The following FHIT variants were observed in gnomAD, a reference collection of about 807,000 sequenced individuals.
FHIT encodes bis(5'-adenosyl)-triphosphatase.
Under a neutral mutation model 17.9 loss-of-function variants are expected in FHIT, and 19 were observed. The observed-to-expected ratio is 1.06, with a 90% CI of 0.74 to 1.56. The LOEUF (loss-of-function observed/expected upper bound fraction) is 1.56. FHIT is among the 40% of genes most tolerant of loss of function. The pLI, the probability that FHIT is intolerant of heterozygous loss-of-function variation, is 0.00. For synonymous variants in FHIT, 81 were observed against 69.7 expected, an observed-to-expected ratio of 1.16 and a Z score of -0.81; for missense variants, 248 against 189.2, an observed-to-expected ratio of 1.31 and a Z score of -1.82.
chr3:60,857,044 T>C (rs1703416231), intron 3 of FHIT, among the ~76,000 whole-genome samples: 1 of 152,144 alleles, frequency 6.6e-6, no homozygotes, highest in Non-Finnish European at 1.5e-5. Context: ...ATTGATTGAC[T>C]CTCTTCTCCT....
At chr3:60,217,861 G>A (rs1424677445) in intron 5 of FHIT, among the ~76,000 whole-genome samples, 1 of 152,112 alleles carries the variant, frequency 6.6e-6, no homozygotes, top group Non-Finnish European at 1.5e-5. Context: ...ACTGCAATAT[G>A]TTATGTATCC....
intron 4 of FHIT, among the ~76,000 whole-genome samples, chr3:60,758,607 TG>T (rs1559699446): frequency 6.6e-6 from 1 of 152,194 alleles, no homozygotes; most frequent in Non-Finnish European, 1.5e-5. Flanking sequence ...TAAGCATTAG[TG>T]GTCATCAGTA....
At chr3:60,554,390 T>C (rs1222364197) in intron 4 of FHIT, among the ~76,000 whole-genome samples, 2 of 152,212 alleles carry the variant, frequency 1.3e-5, no homozygotes, top group Non-Finnish European at 2.9e-5. Flanking sequence ...GTTATGTATC[T>C]TTCTGGAGTA....
In FHIT at chr3:60,255,770, T is replaced by C. The variant is rs536462987; in HGVS notation, c.104-241618A>G. 9.9e-5 allele frequency among the ~76,000 whole-genome samples: 15 copies of C among 152,196 alleles called. No individual in the cohort carries two copies. The South Asian group carries it at 2.9e-3, about 29-fold the overall frequency. ...TTAGATGGATATCTATAACTGGTGT[T>C]CATGGACCTGGGAGGTGGAGGTTGC... On this transcript the variant is annotated intron_variant, in intron 5 of 9. Transcript: ENST00000492590.
At chr3:59,858,203 A>G (rs1160787746) in intron 8 of FHIT, among the ~76,000 whole-genome samples, 1 of 151,336 alleles carries the variant, frequency 6.6e-6, no homozygotes, top group African/African-American at 2.4e-5. Flanking sequence ...GCAAAAAGAC[A>G]TAAATGGTGA....
At chr3:61,230,528 A>G (rs762609202) in intron 1 of FHIT, among the ~76,000 whole-genome samples, 6 of 152,110 alleles carry the variant, frequency 3.9e-5, no homozygotes, top group Non-Finnish European at 8.8e-5. Context: ...TTAATAAATT[A>G]CTGAGTCTCC....
At chr3:60,717,390 A>T (rs1344991684) in intron 4 of FHIT, among the ~76,000 whole-genome samples, 1 of 152,188 alleles carries the variant, frequency 6.6e-6, no homozygotes, top group Non-Finnish European at 1.5e-5. Context: ...TTAGCAATGT[A>T]TACATATATC....
chr3:59,908,128 T>C (rs1209400822), intron 8 of FHIT, among the ~76,000 whole-genome samples: 3 of 152,242 alleles, frequency 2.0e-5, no homozygotes, highest in Non-Finnish European at 2.9e-5. Context: ...GAAAGATTGG[T>C]ACATAGGCAC....
At chr3:61,016,190 T>A (rs9840822) in intron 3 of FHIT, among the ~76,000 whole-genome samples, 40,924 of 152,094 alleles carry the variant, frequency 0.27, 6,424 homozygotes, top group African/African-American at 0.43. Flanking sequence ...ATTAACCATA[T>A]TTTACGTAAT....
chr3:60,598,636 G>A (rs766081878), intron 4 of FHIT, among the ~76,000 whole-genome samples: 6 of 152,128 alleles, frequency 3.9e-5, no homozygotes, highest in Admixed American at 2.0e-4. Flanking sequence ...AAACATCCTC[G>A]CATATTATCA....
At chr3:61,243,900 A>T (rs1356561470) in intron 1 of FHIT, 1 of 152,220 alleles carries the variant, frequency 6.6e-6, no homozygotes, top group Non-Finnish European at 1.5e-5. Flanking sequence ...TAGTTCATCA[A>T]ATTCCATGAC....
In FHIT at chr3:60,746,192, C is replaced by T. The variant is rs147637394; in HGVS notation, c.-18+75727G>A. Among the ~76,000 whole-genome samples the T allele has an allele frequency of 1.5e-4, 23 of 152,302 alleles. No homozygotes were observed. In the East Asian group the frequency reaches 3.9e-3, roughly 26 times the overall value. ...TTATCGCTTGAAGCTGACATGGTCT[C>T]GGTCCACAGGAGAGTAAGCAGCAAA... On this transcript the variant is annotated intron_variant, in intron 4 of 9. Coordinates refer to ENST00000492590, the MANE Select transcript of FHIT (RefSeq NM_002012.4).
At chr3:60,280,712 T>C (rs1707388445) in intron 5 of FHIT, among the ~76,000 whole-genome samples, 1 of 152,124 alleles carries the variant, frequency 6.6e-6, no homozygotes, top group South Asian at 2.1e-4. Context: ...AGGGAAGAAA[T>C]TTCTATTGTT....
intron 5 of FHIT, among the ~76,000 whole-genome samples, chr3:60,532,934 T>C (rs1017998380): frequency 3.3e-5 from 5 of 151,356 alleles, no homozygotes; most frequent in Non-Finnish European, 5.9e-5. Context: ...AATGGCACAC[T>C]CCCCAAAGGG....
intron 1 of FHIT, among the ~76,000 whole-genome samples, chr3:61,216,096 G>C (rs1203238991): frequency 6.6e-6 from 1 of 152,112 alleles, no homozygotes; most frequent in Admixed American, 6.6e-5. Context: ...AGGACTTCAT[G>C]TCTAAAACAC....
chr3:61,065,220 T>G (rs1313446466), intron 2 of FHIT, among the ~76,000 whole-genome samples: 1 of 151,816 alleles, frequency 6.6e-6, no homozygotes, highest in Non-Finnish European at 1.5e-5. Context: ...AGTAATGTGA[T>G]CAACTTTAAT....
chr3:60,717,095 A>G (rs9868595), intron 4 of FHIT, among the ~76,000 whole-genome samples: 147,676 of 152,264 alleles, frequency 0.97, 71,670 homozygotes, highest in East Asian at 1. Context: ...TAAAAAAGTT[A>G]AATTCATAGA....
intron 8 of FHIT, among the ~76,000 whole-genome samples, chr3:59,889,817 G>A (rs1461357685): frequency 1.3e-5 from 2 of 152,220 alleles, no homozygotes; most frequent in Admixed American, 6.5e-5. Context: ...CAACAGTACA[G>A]TAATAAATGT....
intron 8 of FHIT, among the ~76,000 whole-genome samples, chr3:59,802,515 T>A (rs1288003932): frequency 6.6e-6 from 1 of 151,886 alleles, no homozygotes; most frequent in Non-Finnish European, 1.5e-5. Context: ...ACTCAGAAGC[T>A]CCCCCACTGA....
Sources: gnomAD v4.1 joint callset for allele counts (sites outside exome capture counted in the v4.1 genomes callset) on GRCh38, gnomAD v4.1.1 for gene constraint, MANE v1.5 for transcripts, NCBI Gene and HGNC (gene_info 2026-07-23, HGNC 2026-07-21) for gene names.